RPSA2: variants seen among roughly 807,000 people sequenced by gnomAD.
The protein encoded by RPSA2 is small ribosomal subunit protein uS2B.
chr19:23,777,693 A>G, the RPSA2 span, among the ~76,000 whole-genome samples: 1 of 152,068 alleles, frequency 6.6e-6, no homozygotes, highest in Non-Finnish European at 1.5e-5. Flanking sequence ...TGGACCCAGC[A>G]ATTAGAAAAT....
At chr19:23,863,635 G>A in the RPSA2 span, among the ~76,000 whole-genome samples, 1 of 150,646 alleles carries the variant, frequency 6.6e-6, no homozygotes, top group Non-Finnish European at 1.5e-5. Flanking sequence ...AGTTTCTGGT[G>A]TATAGGACTT....
At chr19:23,825,958 C>A in the RPSA2 span, among the ~76,000 whole-genome samples, 1 of 146,876 alleles carries the variant, frequency 6.8e-6, no homozygotes, top group African/African-American at 2.5e-5. Context: ...GGGAGAAACA[C>A]TTTTGGATTT....
the RPSA2 span, among the ~76,000 whole-genome samples, chr19:23,816,474 G>A: frequency 2.0e-5 from 3 of 151,998 alleles, no homozygotes; most frequent in Non-Finnish European, 4.4e-5. Flanking sequence ...GAAGTTACTG[G>A]TTTTATTGTA....
At chr19:23,791,463 G>A in the RPSA2 span, among the ~76,000 whole-genome samples, 388 of 151,894 alleles carry the variant, frequency 2.6e-3, no homozygotes, top group African/African-American at 9.2e-3. Context: ...GTACAAATCC[G>A]GGGACTAGAG....
At chr19:23,769,743 A>G in the RPSA2 span, among the ~76,000 whole-genome samples, 2 of 151,880 alleles carry the variant, frequency 1.3e-5, no homozygotes, top group South Asian at 4.1e-4. Context: ...TCTCTGCCCA[A>G]AAAGGGATTG....
the RPSA2 span, among the ~76,000 whole-genome samples, chr19:23,839,066 G>A: frequency 7.9e-5 from 12 of 152,080 alleles, no homozygotes; most frequent in South Asian, 2.5e-3. Context: ...TTTGATGTAG[G>A]CATTTAGGGC....
the RPSA2 span, among the ~76,000 whole-genome samples, chr19:23,842,127 C>A: frequency 6.6e-6 from 1 of 152,154 alleles, no homozygotes; most frequent in Non-Finnish European, 1.5e-5. Flanking sequence ...CATCCCACAT[C>A]CCTTGAATTA....
chr19:23,841,996 C>T, the RPSA2 span, among the ~76,000 whole-genome samples: 1 of 152,128 alleles, frequency 6.6e-6, no homozygotes, highest in Non-Finnish European at 1.5e-5. Flanking sequence ...GTTTACTGGT[C>T]ATATACACTG....
chr19:23,782,175 A>G, the RPSA2 span: 1 of 152,242 alleles, frequency 6.6e-6, no homozygotes, highest in Admixed American at 6.5e-5. Context: ...GTCTTCACCA[A>G]TCACCCTGGA....
chr19:23,783,461 C>T, the RPSA2 span, among the ~76,000 whole-genome samples: 3 of 151,014 alleles, frequency 2.0e-5, no homozygotes, highest in African/African-American at 7.3e-5. Flanking sequence ...TGCATGGGCC[C>T]TCCCACAGAA....
the RPSA2 span, among the ~76,000 whole-genome samples, chr19:23,767,371 G>T: frequency 3.3e-5 from 5 of 152,300 alleles, no homozygotes; most frequent in Non-Finnish European, 7.4e-5. Flanking sequence ...GAGCCACCAC[G>T]CCTGGCCTCT....
the RPSA2 span, among the ~76,000 whole-genome samples, chr19:23,796,058 C>T: frequency 6.6e-6 from 1 of 152,198 alleles, no homozygotes; most frequent in Non-Finnish European, 1.5e-5. Context: ...AGCCACTGCA[C>T]CCATCTGCTT....
At chr19:23,782,872 C>A in the RPSA2 span, among the ~76,000 whole-genome samples, 10 of 152,182 alleles carry the variant, frequency 6.6e-5, no homozygotes, top group East Asian at 1.7e-3. Context: ...TGACATGTCT[C>A]TAGGCTTCTC....
At chr19:23,784,744 A>G in the RPSA2 span, among the ~76,000 whole-genome samples, 1,650 of 152,260 alleles carry the variant, frequency 0.011, 32 homozygotes, top group African/African-American at 0.038. Flanking sequence ...CTGAATCTCA[A>G]ATATGGAGTC....
chr19:23,858,875 C>A, the RPSA2 span, among the ~76,000 whole-genome samples: 3 of 152,184 alleles, frequency 2.0e-5, no homozygotes, highest in Admixed American at 6.5e-5. Context: ...CTGATCCAAC[C>A]AATCTTTGAG....
the RPSA2 span, among the ~76,000 whole-genome samples, chr19:23,773,127 C>CTCTGTTGCCCAGGCTGGAGTA: frequency 0.02 from 7 of 344 alleles, no homozygotes; most frequent in African/African-American, 0.025. Flanking sequence ...GATGGAGTAT[C>CTCTGTTGCCCAGGCTGGAGTA]TCTCTGTTGC....
chr19:23,862,899 T>G, the RPSA2 span, among the ~76,000 whole-genome samples: 1 of 150,614 alleles, frequency 6.6e-6, no homozygotes, highest in South Asian at 2.1e-4. Context: ...TTTCTTTCTT[T>G]TTTTTTTTTT....
chr19:23,793,070 G>A, the RPSA2 span, among the ~76,000 whole-genome samples: 1 of 152,268 alleles, frequency 6.6e-6, no homozygotes, highest in South Asian at 2.1e-4. Context: ...GCTTGATTAA[G>A]AAGTATTTTA....
At chr19:23,835,615 GTTTT>G in the RPSA2 span, among the ~76,000 whole-genome samples, 10 of 151,234 alleles carry the variant, frequency 6.6e-5, no homozygotes, top group Admixed American at 1.3e-4. Context: ...TTGTTTAATA[GTTTT>G]TTTTTTTGTT....
Sources: gnomAD v4.1 joint callset for allele counts (sites outside exome capture counted in the v4.1 genomes callset) on GRCh38, gnomAD v4.1.1 for gene constraint, MANE v1.5 for transcripts, NCBI Gene and HGNC (gene_info 2026-07-23, HGNC 2026-07-21) for gene names.